The following GRIN3A variants were observed in gnomAD, a reference collection of about 807,000 sequenced individuals.
The protein encoded by GRIN3A is glutamate receptor ionotropic, NMDA 3A.
Under a neutral mutation model 92.4 loss-of-function variants are expected in GRIN3A, and 47 were observed. That is an observed-to-expected ratio of 0.51 (90% confidence interval 0.40 to 0.65). GRIN3A has a LOEUF of 0.65. GRIN3A is among the 30% of genes least tolerant of loss of function. The pLI is 0.00. For missense variants in GRIN3A, 1,324 were observed against 1,393.1 expected, an observed-to-expected ratio of 0.95 and a Z score of 0.79; for synonymous variants, 527 against 540.6, an observed-to-expected ratio of 0.97 and a Z score of 0.35.
chr9:101,632,303 G>A (rs4742820), intron 3 of GRIN3A, among the ~76,000 whole-genome samples: 75,108 of 151,944 alleles, frequency 0.49, 18,684 homozygotes, highest in African/African-American at 0.57. Context: ...CAACACTTGG[G>A]ATTATTTTTA....
intron 3 of GRIN3A, among the ~76,000 whole-genome samples, chr9:101,665,760 AG>A (rs1319329755): frequency 6.6e-6 from 1 of 151,978 alleles, no homozygotes. Context: ...ATGCTATCAA[AG>A]TGAATTTGAA....
chr9:101,727,260 T>C (rs568851830), intron 1 of GRIN3A, among the ~76,000 whole-genome samples: 3 of 152,336 alleles, frequency 2.0e-5, no homozygotes, highest in East Asian at 1.9e-4. Context: ...TGAGAAGCGG[T>C]TTATAATGTA....
intron 1 of GRIN3A, among the ~76,000 whole-genome samples, chr9:101,689,737 CACACAT>C (rs1255798589): frequency 3.1e-4 from 42 of 136,922 alleles, no homozygotes; most frequent in African/African-American, 1.1e-3. Flanking sequence ...CATGCACACA[CACACAT>C]ACACACACAC....
chr9:101,670,291 C>T lies in GRIN3A; in HGVS notation c.2121G>A (p.Gly707=), dbSNP rs755912820. 4.3e-6 allele frequency: 7 copies of T among 1,614,038 alleles called. No individual in the cohort carries two copies. In the South Asian group the frequency reaches 6.6e-5, roughly 15 times the overall value. Reference sequence around the variant, plus strand: ...AGGAGAAGACTTTACTTCTATTTCGCCCCTTGGGAGTCAAACCAAATGGAC... The same window carrying T: ...AGGAGAAGACTTTACTTCTATTTCGTCCCTTGGGAGTCAAACCAAATGGAC... ...WKSPFGLTPK[G]RNRSKVFSFS... Residue 707 remains glycine (G), a synonymous_variant, in exon 3 of 9, where the codon GGG becomes GGA. Transcript: ENST00000361820.
At chr9:101,598,121 G>A (rs1426466768) in intron 6 of GRIN3A, among the ~76,000 whole-genome samples, 1 of 152,054 alleles carries the variant, frequency 6.6e-6, no homozygotes, top group Admixed American at 6.6e-5. Context: ...ACATTAAAAA[G>A]CAAAGAAGTG....
intron 5 of GRIN3A, among the ~76,000 whole-genome samples, chr9:101,617,194 G>A (rs1409720030): frequency 1.6e-5 from 2 of 124,328 alleles, no homozygotes; most frequent in East Asian, 2.2e-4. Flanking sequence ...GCGACAGAGC[G>A]AGACTCCGTC....
chr9:101,674,170 A>G (rs373022235), intron 2 of GRIN3A, among the ~76,000 whole-genome samples: 2 of 152,202 alleles, frequency 1.3e-5, no homozygotes, highest in East Asian at 3.9e-4. Flanking sequence ...AATGAATTAC[A>G]TCAGATCTGA....
intron 3 of GRIN3A, among the ~76,000 whole-genome samples, chr9:101,642,577 A>T (rs920408599): frequency 2.0e-5 from 3 of 152,180 alleles, no homozygotes; most frequent in Admixed American, 6.5e-5. Flanking sequence ...CAAGCCATAT[A>T]CCCAAGCCAT....
At chr9:101,708,724 T>C (rs192122927) in intron 1 of GRIN3A, among the ~76,000 whole-genome samples, 2 of 152,334 alleles carry the variant, frequency 1.3e-5, no homozygotes, top group East Asian at 3.9e-4. Context: ...TATGCGTTTC[T>C]ATGGCTAGCC....
intron 1 of GRIN3A, among the ~76,000 whole-genome samples, chr9:101,723,471 T>C (rs1273846886): frequency 1.3e-5 from 2 of 152,122 alleles, no homozygotes; most frequent in African/African-American, 4.8e-5. Flanking sequence ...GAGTGAGCAG[T>C]AGCAAGATTT....
chr9:101,684,156 G>T (rs535140294), intron 2 of GRIN3A, among the ~76,000 whole-genome samples: 23 of 147,908 alleles, frequency 1.6e-4, no homozygotes, highest in African/African-American at 5.8e-4. Context: ...AGGCTGGAGT[G>T]CAGTGGCACG....
At chr9:101,640,285 G>A (rs1263243204) in intron 3 of GRIN3A, among the ~76,000 whole-genome samples, 1 of 152,134 alleles carries the variant, frequency 6.6e-6, no homozygotes, top group East Asian at 1.9e-4. Context: ...TGAATCACAA[G>A]AGCAGCACAA....
chr9:101,587,790 T>C (rs55838720), intron 6 of GRIN3A, among the ~76,000 whole-genome samples: 22,609 of 152,232 alleles, frequency 0.15, 2,105 homozygotes, highest in Non-Finnish European at 0.21. Flanking sequence ...GAAATAATGA[T>C]TTTAATGAGA....
intron 5 of GRIN3A, among the ~76,000 whole-genome samples, chr9:101,615,449 T>C (rs111863667): frequency 0.15 from 22,548 of 146,408 alleles, 3,528 homozygotes; most frequent in African/African-American, 0.41. Context: ...CTCCGCCTCC[T>C]GGGTTCACGC....
chr9:101,666,809 C>G (rs1208565241), intron 3 of GRIN3A, among the ~76,000 whole-genome samples: 1 of 152,018 alleles, frequency 6.6e-6, no homozygotes, highest in Non-Finnish European at 1.5e-5. Flanking sequence ...AATTAATTGC[C>G]AAGTCCTGCT....
intron 5 of GRIN3A, among the ~76,000 whole-genome samples, chr9:101,620,617 C>T (rs934275878): frequency 1.3e-5 from 2 of 152,062 alleles, no homozygotes; most frequent in African/African-American, 4.8e-5. Flanking sequence ...GAATTAGGTA[C>T]CTATTTCAAA....
At chr9:101,683,845 AGT>A (rs1427651197) in intron 2 of GRIN3A, among the ~76,000 whole-genome samples, 665 of 29,956 alleles carry the variant, frequency 0.022, 2 homozygotes, top group Non-Finnish European at 0.023. Context: ...AGAGAGAGAC[AGT>A]GAGAGAGAGA....
intron 3 of GRIN3A, among the ~76,000 whole-genome samples, chr9:101,650,919 G>T (rs746768012): frequency 2.0e-5 from 3 of 151,856 alleles, no homozygotes; most frequent in Non-Finnish European, 1.5e-5. Flanking sequence ...AACCTTCTCT[G>T]ATCTTCCCAA....
At chr9:101,675,092 T>C (rs536873282) in intron 2 of GRIN3A, among the ~76,000 whole-genome samples, 87 of 152,116 alleles carry the variant, frequency 5.7e-4, no homozygotes, top group African/African-American at 2.0e-3. Context: ...TTTGTCATGG[T>C]TTGATAAGGG....
Sources: gnomAD v4.1 joint callset for allele counts (sites outside exome capture counted in the v4.1 genomes callset) on GRCh38, gnomAD v4.1.1 for gene constraint, MANE v1.5 for transcripts, NCBI Gene and HGNC (gene_info 2026-07-23, HGNC 2026-07-21) for gene names.